Variants in PRKCH observed in about 807,000 individuals in gnomAD.
The protein encoded by PRKCH is protein kinase C eta.
Under a neutral mutation model 82.5 loss-of-function variants are expected in PRKCH, and 28 were observed. The observed-to-expected ratio is 0.34, with a 90% CI of 0.25 to 0.47. PRKCH has a LOEUF of 0.47. Among genes scored for constraint, PRKCH ranks in the 20% least tolerant of loss-of-function variants. The probability of loss-of-function intolerance (pLI) is 1.00; values close to 1 mark genes in which losing one functional copy is unlikely to be tolerated. For synonymous variants in PRKCH, 322 were observed against 327.4 expected (o/e 0.98, Z 0.18); for missense variants, 705 against 881.8 (o/e 0.80, Z 2.54).
At chr14:61,379,759 A>G (rs2046473790) in intron 1 of PRKCH, among the ~76,000 whole-genome samples, 1 of 152,264 alleles carries the variant, frequency 6.6e-6, no homozygotes, top group Non-Finnish European at 1.5e-5. Context: ...CAGGGAGTAT[A>G]TTCCCCATCT....
At chr14:61,527,480 C>G (rs1004635255) in intron 10 of PRKCH, among the ~76,000 whole-genome samples, 1 of 152,200 alleles carries the variant, frequency 6.6e-6, no homozygotes, top group Non-Finnish European at 1.5e-5. Flanking sequence ...AGCCCTGCTT[C>G]CTTTCCCCTG....
rs967465993 is a variant in PRKCH, at chr14:61,533,198, G to A, written c.1761+2603G>A. ...ATGAAATAATATAGGTAAACTTCCC[G>A]GGCACATAATAAGCATTCTGTTTTT... On this transcript the variant is annotated intron_variant, in intron 12 of 13. Coordinates refer to ENST00000332981, the MANE Select transcript of PRKCH (RefSeq NM_006255.5). Among the ~76,000 whole-genome samples the A allele has an allele frequency of 7.9e-5, 12 of 151,998 alleles. 1 individual carries two copies. Among genetic ancestry groups the A allele is most frequent in the South Asian group, 2.1e-4 (1 of 4,826 alleles).
chr14:61,362,370 G>T (rs1219373076), intron 1 of PRKCH, among the ~76,000 whole-genome samples: 1 of 151,172 alleles, frequency 6.6e-6, no homozygotes, highest in Non-Finnish European at 1.5e-5. Flanking sequence ...GGAAACAAGG[G>T]GCCAAGGGAA....
At chr14:61,358,820 C>A (rs143571880) in intron 1 of PRKCH, among the ~76,000 whole-genome samples, 2 of 152,260 alleles carry the variant, frequency 1.3e-5, no homozygotes, top group African/African-American at 4.8e-5. Context: ...AGGCCCTGCT[C>A]TTTAGGCTCT....
intron 1 of PRKCH, among the ~76,000 whole-genome samples, chr14:61,231,813 G>A (rs2044747176): frequency 6.6e-6 from 1 of 151,886 alleles, no homozygotes; most frequent in Admixed American, 6.6e-5. Context: ...CACAAAATGG[G>A]TTCATGGGTG....
rs778172062 is a variant in PRKCH, at chr14:61,549,792, T to C, written c.2013T>C (p.Phe671=). 5.0e-6 allele frequency: 8 copies of C among 1,614,010 alleles called. No individual in the cohort carries two copies. The highest frequency in any genetic ancestry group is 6.8e-6 in the Non-Finnish European group (8 of 1,180,028). The change falls in exon 14 of 14, where the codon TTT becomes TTC. Residue 671 remains phenylalanine (F), a synonymous_variant. Coordinates refer to ENST00000332981, the MANE Select transcript of PRKCH (RefSeq NM_006255.5). Reference sequence around the variant, plus strand: ...TTCCAATGATTAACCAGGATGAGTTTAGAAACTTTTCCTATGTGTCTCCAG... The same window carrying C: ...TTCCAATGATTAACCAGGATGAGTTCAGAAACTTTTCCTATGTGTCTCCAG... ...GHLPMINQDE[F]RNFSYVSPEL... is the part of the protein sequence containing the mutation.
intron 9 of PRKCH, chr14:61,462,948 G>A (rs943189650): frequency 6.6e-6 from 1 of 152,350 alleles, no homozygotes. Flanking sequence ...GGCTGACTCT[G>A]ACTCCATATG....
At chr14:61,385,887 G>A (rs573388735) in intron 1 of PRKCH, among the ~76,000 whole-genome samples, 3 of 152,290 alleles carry the variant, frequency 2.0e-5, no homozygotes, top group Non-Finnish European at 4.4e-5. Context: ...CAGGTGTGGA[G>A]TTGCCCACCT....
intron 1 of PRKCH, among the ~76,000 whole-genome samples, chr14:61,220,277 G>A (rs529467736): frequency 1.3e-5 from 2 of 152,186 alleles, no homozygotes; most frequent in Non-Finnish European, 2.9e-5. Context: ...CCTAGCAGGT[G>A]TACACCCAAG....
At chr14:61,319,383 T>G (rs1464462244), upstream of PRKCH, among the ~76,000 whole-genome samples, 1 of 152,106 alleles carries the variant, frequency 6.6e-6, no homozygotes, top group Non-Finnish European at 1.5e-5. Context: ...TAGTTGTTTT[T>G]CCTCCTTGTG....
chr14:61,387,449 C>T (rs1214413458), intron 1 of PRKCH, among the ~76,000 whole-genome samples: 1 of 152,200 alleles, frequency 6.6e-6, no homozygotes, highest in Non-Finnish European at 1.5e-5. Flanking sequence ...TAGCTAGAGA[C>T]AGTGTCCACT....
intron 1 of PRKCH, chr14:61,322,845 AAGTGCTTC>A (rs2045647499): frequency 4.9e-6 from 1 of 202,236 alleles, no homozygotes; most frequent in Admixed American, 5.2e-5. Context: ...GATTTGGGTA[AAGTGCTTC>A]AAGCGCTACT....
intron 1 of PRKCH, among the ~76,000 whole-genome samples, chr14:61,350,659 T>C (rs1293327152): frequency 6.6e-6 from 1 of 152,174 alleles, no homozygotes; most frequent in African/African-American, 2.4e-5. Flanking sequence ...CTTTTTTGTC[T>C]GTCTATTCCA....
chr14:61,416,053 C>CTTTTTTT (rs71117815), intron 2 of PRKCH, among the ~76,000 whole-genome samples: 2,780 of 93,762 alleles, frequency 0.03, 14 homozygotes, highest in Non-Finnish European at 0.042. Flanking sequence ...CTTTTCTTTT[C>CTTTTTTT]TTTTTTTTTT....
intron 1 of PRKCH, among the ~76,000 whole-genome samples, chr14:61,302,531 A>C (rs548136890): frequency 6.6e-6 from 1 of 152,298 alleles, no homozygotes; most frequent in South Asian, 2.1e-4. Flanking sequence ...TTTGGGGGGT[A>C]GGTTTGCATA....
intron 2 of PRKCH, among the ~76,000 whole-genome samples, chr14:61,394,513 G>A (rs1193133371): frequency 6.6e-6 from 1 of 152,194 alleles, no homozygotes; most frequent in East Asian, 1.9e-4. Flanking sequence ...GAGTGGGTAA[G>A]ATTCTCTCTC....
chr14:61,510,321 G>A (rs1167498468), intron 10 of PRKCH, among the ~76,000 whole-genome samples: 1 of 152,148 alleles, frequency 6.6e-6, no homozygotes, highest in Non-Finnish European at 1.5e-5. Flanking sequence ...TAACAGAGGA[G>A]TAAGCCTGGA....
At chr14:61,282,232 G>T (rs983162926) in intron 1 of PRKCH, among the ~76,000 whole-genome samples, 2 of 148,266 alleles carry the variant, frequency 1.3e-5, no homozygotes, top group African/African-American at 2.5e-5. Flanking sequence ...ATTATAAAAA[G>T]AACTCAAATT....
intron 6 of PRKCH, among the ~76,000 whole-genome samples, chr14:61,451,721 A>C (rs1884517234): frequency 6.6e-6 from 1 of 152,158 alleles, no homozygotes; most frequent in African/African-American, 2.4e-5. Flanking sequence ...CGTGGGGTGC[A>C]CCTGAAGCCT....
Sources: allele counts gnomAD v4.1 joint callset (sites outside exome capture counted in the v4.1 genomes callset), GRCh38; gene constraint gnomAD v4.1.1; transcripts MANE v1.5; gene names NCBI Gene and HGNC (gene_info 2026-07-23, HGNC 2026-07-21).